Variants in MAP3K21 observed in about 807,000 individuals in gnomAD.
MAP3K21 encodes mitogen-activated protein kinase kinase kinase MLK4.
A neutral mutation model predicts 86.1 loss-of-function variants in MAP3K21; 63 were observed. The observed-to-expected ratio is 0.73, with a 90% CI of 0.60 to 0.90. The LOEUF (loss-of-function observed/expected upper bound fraction) is 0.90. MAP3K21 is among the 40% of genes least tolerant of loss of function. MAP3K21 has a pLI of 0.00. For synonymous variants in MAP3K21, 558 were observed against 564.8 expected, an observed-to-expected ratio of 0.99 and a Z score of 0.17; for missense variants, 1,220 against 1,367.7, an observed-to-expected ratio of 0.89 and a Z score of 1.70.
rs529930675 is a variant in MAP3K21, at chr1:233,338,539, T to G, written c.806-7903T>G. 4.6e-5 allele frequency among the ~76,000 whole-genome samples: 7 copies of G among 152,358 alleles called. No homozygotes were observed. In the South Asian group the frequency reaches 1.4e-3, roughly 32 times the overall value. On this transcript the variant is annotated intron_variant, in intron 1 of 9. Transcript: ENST00000366624. ...GAAGTGAGCAGTCAAAGATTGTGTGTCTAAGCAAAGTCTTGCAGAAAAGAT... is the reference window on the plus strand; with the variant it reads ...GAAGTGAGCAGTCAAAGATTGTGTGGCTAAGCAAAGTCTTGCAGAAAAGAT...
intron 5 of MAP3K21, among the ~76,000 whole-genome samples, chr1:233,367,168 T>C (rs1663592781): frequency 6.6e-6 from 1 of 152,186 alleles, no homozygotes; most frequent in African/African-American, 2.4e-5. Flanking sequence ...ATTCTAACTT[T>C]GATTGCTTCA....
At position 233,379,004 on chromosome 1, in the gene MAP3K21, T is replaced by C. The variant is rs1477976267; in HGVS notation, c.1998T>C (p.Ser666=). ...AACCAAAACAAATAAAATTGCCTAG[T>C]CAGGCCTACATTGATCTACCTCTTG... is the stretch of plus-strand genomic sequence containing the variant. The part of the protein sequence containing the change: ...HRKPKQIKLP[S]QAYIDLPLGK... Residue 666 remains serine (S), a synonymous_variant, in exon 9 of 10, where the codon AGT becomes AGC. Coordinates refer to ENST00000366624, the MANE Select transcript of MAP3K21 (RefSeq NM_032435.3). 2 of 1,614,150 alleles carry C rather than the reference T, an allele frequency of 1.2e-6. No individual in the cohort carries two copies. The highest frequency in any genetic ancestry group is 1.3e-5 in the African/African-American group (1 of 75,042).
At chr1:233,375,097 A>G (rs1477198751) in intron 6 of MAP3K21, among the ~76,000 whole-genome samples, 3 of 151,758 alleles carry the variant, frequency 2.0e-5, no homozygotes, top group African/African-American at 2.4e-5. Flanking sequence ...GCCCGCCACC[A>G]TGCCCAGTTA....
chr1:233,331,945 C>A (rs1394697131), intron 1 of MAP3K21, among the ~76,000 whole-genome samples: 1 of 152,142 alleles, frequency 6.6e-6, no homozygotes, highest in East Asian at 1.9e-4. Flanking sequence ...AAATACTAGG[C>A]CCTGTAACTC....
intron 1 of MAP3K21, among the ~76,000 whole-genome samples, chr1:233,339,772 C>G (rs992091876): frequency 1.3e-5 from 2 of 152,150 alleles, no homozygotes; most frequent in Non-Finnish European, 2.9e-5. Flanking sequence ...GCTTGAGGCA[C>G]CACATCTGGC....
intron 1 of MAP3K21, among the ~76,000 whole-genome samples, chr1:233,339,255 CTT>C (rs1558450783): frequency 2.2e-4 from 14 of 63,354 alleles, no homozygotes; most frequent in African/African-American, 4.7e-4. Context: ...TCTTCTTCTT[CTT>C]CTTCTTCTTC....
rs141352157 is a variant in MAP3K21, at chr1:233,354,661, C to G, written c.1136-175C>G. Among the ~76,000 whole-genome samples, 871 of 152,288 alleles carry G rather than the reference C, an allele frequency of 5.7e-3. 1 individual carries two copies. The highest frequency in any genetic ancestry group is 0.017 in the South Asian group (81 of 4,820). ...TGACATGGACACTATGTAAAATAAA[C>G]TATTCAAACTATTACCAATGGATTC... On this transcript the variant is annotated intron_variant, in intron 3 of 9. Transcript: ENST00000366624.
chr1:233,380,514 G>A (rs1158266201), intron 9 of MAP3K21, among the ~76,000 whole-genome samples: 2 of 152,132 alleles, frequency 1.3e-5, no homozygotes, highest in Non-Finnish European at 2.9e-5. Context: ...ATTTTGTGGG[G>A]ACACAGTTCA....
intron 8 of MAP3K21, among the ~76,000 whole-genome samples, chr1:233,377,530 A>G (rs1004129999): frequency 6.6e-6 from 1 of 152,182 alleles, no homozygotes; most frequent in African/African-American, 2.4e-5. Flanking sequence ...AAAAGAGGGT[A>G]CCCCAAACAA....
intron 5 of MAP3K21, among the ~76,000 whole-genome samples, chr1:233,365,302 C>T (rs1445229522): frequency 6.6e-6 from 1 of 152,170 alleles, no homozygotes; most frequent in Non-Finnish European, 1.5e-5. Context: ...CGAAAAGCTT[C>T]TGCACAGCAA....
chr1:233,328,522 C>A lies in MAP3K21; in HGVS notation c.494C>A (p.Ala165Asp). 6.5e-7 allele frequency: 1 copy of A among 1,529,748 alleles called. No individual in the cohort carries two copies. Among genetic ancestry groups the A allele is most frequent in the African/African-American group, 1.4e-5 (1 of 70,058 alleles). The allele number at this position is 1,529,748 out of a possible 1,614,324, so 94.8% of individuals were successfully genotyped here. A position where few individuals can be genotyped will look rare whatever the true frequency, so the allele number is the denominator to read the frequency against. The change falls in exon 1 of 10, where the codon GCC (alanine) becomes GAC (aspartate). Residue 165 changes from alanine to aspartate, a missense_variant. Ala to Asp is a moderately radical substitution (Grantham distance 126, BLOSUM62 -2). Around this residue, in one of 5 missense-constraint regions of MAP3K21, gnomAD observed 369 missense variants for 385.3 expected, o/e 0.96. Coordinates refer to ENST00000366624, the MANE Select transcript of MAP3K21 (RefSeq NM_032435.3). This position sits in a 1 kb window ranked among gnomAD's most constrained non-coding sequence, Gnocchi z 8.7. ...QDPEQDAAAA[A>D]ESVRREARLF... ...CCGGAGCAGGACGCGGCGGCGGCTG[C>A]CGAGAGCGTGCGGCGCGAGGCTCGG...
chr1:233,356,871 C>CCACGACATATTTCTGGTTGCAAA (rs1663368557), intron 4 of MAP3K21, among the ~76,000 whole-genome samples: 2 of 152,054 alleles, frequency 1.3e-5, no homozygotes, highest in Non-Finnish European at 2.9e-5. Context: ...AGTTAAGTTC[C>CCACGACATATTTCTGGTTGCAAA]CACGACATAT....
intron 4 of MAP3K21, among the ~76,000 whole-genome samples, chr1:233,357,631 C>T (rs866970783): frequency 3.9e-5 from 6 of 152,098 alleles, no homozygotes; most frequent in South Asian, 4.1e-4. Context: ...CGTCTGACTG[C>T]GAGCATCATG....
intron 2 of MAP3K21, among the ~76,000 whole-genome samples, chr1:233,347,935 A>T (rs1216925747): frequency 6.8e-6 from 1 of 146,196 alleles, no homozygotes; most frequent in Admixed American, 7.1e-5. Context: ...ACAAAATAAA[A>T]TCCTGCGTTA....
chr1:233,355,006 G>A lies in MAP3K21; in HGVS notation c.1306G>A (p.Glu436Lys), dbSNP rs139337803. 1.2e-6 allele frequency: 2 copies of A among 1,606,750 alleles called. No homozygotes were observed. Among genetic ancestry groups the A allele is most frequent in the Admixed American group, 1.7e-5 (1 of 58,968 alleles). ...AATGTTTGATGAGTTGAGAACAAAG[G>A]AAAAGGTGAGAGAAATTTTTAAACA... ...QQMFDELRTK[E>K]KELRSREEEL... Residue 436 changes from glutamate to lysine, a missense_variant, in exon 4 of 10, where the codon GAA (glutamate) becomes AAA (lysine). By Grantham distance (56) the Glu-to-Lys change is moderately conservative. Coordinates refer to ENST00000366624, the MANE Select transcript of MAP3K21 (RefSeq NM_032435.3).
Position 233,344,019 on chromosome 1 carries a change from T to C in MAP3K21, c.806-2423T>C, listed in dbSNP as rs75098447. Among the ~76,000 whole-genome samples, 165 of 152,260 alleles carry C rather than the reference T, an allele frequency of 1.1e-3. 4 individuals carry two copies. In the East Asian group the frequency reaches 0.03, roughly 28 times the overall value. On this transcript the variant is annotated intron_variant, in intron 1 of 9. Transcript: ENST00000366624. The stretch of plus-strand genomic sequence containing the variant: ...CAACCTAGGGAACATTTCTGCATGG[T>C]TCTAGGCAGAGGCAGATCAGCCAAA...
At chr1:233,345,838 G>T (rs1271373511) in intron 1 of MAP3K21, among the ~76,000 whole-genome samples, 3 of 152,064 alleles carry the variant, frequency 2.0e-5, no homozygotes, top group Non-Finnish European at 4.4e-5. Flanking sequence ...ACTCCCGGGA[G>T]TTCCCCCTGT....
chr1:233,357,018 C>T (rs1663372001), intron 4 of MAP3K21, among the ~76,000 whole-genome samples: 1 of 152,200 alleles, frequency 6.6e-6, no homozygotes, highest in South Asian at 2.1e-4. Flanking sequence ...CGCCTGTAAT[C>T]CCAGTGCTTT....
In MAP3K21 at chr1:233,350,641, A is replaced by G. The variant is rs187169525; in HGVS notation, c.987-3166A>G. 4.6e-5 allele frequency among the ~76,000 whole-genome samples: 7 copies of G among 152,308 alleles called. No individual in the cohort carries two copies. In the East Asian group the frequency reaches 9.6e-4, roughly 21 times the overall value. ...GTACTACAGAGTAATTGTCTTATGC[A>G]CTTAGATATTGTTATCTAATTTTTA... On this transcript the variant is annotated intron_variant, in intron 2 of 9. Transcript: ENST00000366624.
Sources: allele counts gnomAD v4.1 joint callset (sites outside exome capture counted in the v4.1 genomes callset), GRCh38; gene constraint gnomAD v4.1.1; regional missense constraint gnomAD v4.1.1; non-coding constraint Gnocchi (gnomAD v3.1); transcripts MANE v1.5; gene names NCBI Gene and HGNC (gene_info 2026-07-23, HGNC 2026-07-21).